Variants in PCDH20 observed in about 807,000 individuals in gnomAD.
The protein encoded by PCDH20 is protocadherin-20.
Under a neutral mutation model 39.7 loss-of-function variants are expected in PCDH20, and 18 were observed. The observed-to-expected ratio is 0.45, with a 90% CI of 0.31 to 0.67. The LOEUF (loss-of-function observed/expected upper bound fraction) is 0.67, where lower values mean the gene tolerates loss of function less well. Among genes scored for constraint, PCDH20 ranks in the 30% least tolerant of loss-of-function variants. The probability of loss-of-function intolerance (pLI) is 0.05; values close to 1 mark genes in which losing one functional copy is unlikely to be tolerated. For synonymous variants in PCDH20, 495 were observed against 455.4 expected, an observed-to-expected ratio of 1.09 and a Z score of -1.11; for missense variants, 1,161 against 1,167.4, an observed-to-expected ratio of 0.99 and a Z score of 0.08.
At chr13:61,412,116 A>G in exon 2 of PCDH20, 1 of 1,614,092 alleles carries the variant, frequency 6.2e-7, no homozygotes. Flanking sequence ...CTGTTACACT[A>G]ATTACTCCAA....
chr13:61,413,561 G>T (rs756354192), exon 2 of PCDH20: 3 of 1,614,154 alleles, frequency 1.9e-6, no homozygotes, highest in Middle Eastern at 1.6e-4. Context: ...AGCACATCCA[G>T]CAGCAAAAGA....
exon 2 of PCDH20, chr13:61,413,076 A>G: frequency 6.2e-7 from 1 of 1,614,228 alleles, no homozygotes; most frequent in Non-Finnish European, 8.5e-7. Flanking sequence ...CAGCCTGGAC[A>G]GCTGCAATTG....
At position 61,413,096 on chromosome 13, in the gene PCDH20, C is replaced by T. The variant is rs757592226; in HGVS notation, c.1003G>A (p.Val335Met). The T allele has an allele frequency of 1.9e-6, 3 of 1,614,200 alleles. No individual in the cohort carries two copies. The Admixed American group carries it at 5.0e-5, about 27-fold the overall frequency. ...TGGACAGCTGCAATTGGGGTGCCCA[C>T]TGTAGCATTCCCATACACAGTGACA... The change falls in exon 2 of 2, where the codon GTG (valine) becomes ATG (methionine). Residue 335 changes from valine (V) to methionine (M), a missense_variant. Val to Met is a conservative substitution (Grantham distance 21). Coordinates refer to ENST00000409204, the Ensembl canonical transcript of PCDH20.
rs909678155 is a variant in PCDH20 at position 61,412,065 on chromosome 13, C to T, written c.2034G>A (p.Val678=). The change falls in exon 2 of 2, where the codon GTG becomes GTA. Residue 678 remains valine (V), a synonymous_variant. Coordinates refer to ENST00000409204, the Ensembl canonical transcript of PCDH20. Reference sequence around the variant, plus strand: ...TGACAAAAATATCACTCTGGTTCACCACAGAGAGGGCGACCCATCCATTTC... The same window carrying T: ...TGACAAAAATATCACTCTGGTTCACTACAGAGAGGGCGACCCATCCATTTC... 1.9e-6 allele frequency: 3 copies of T among 1,614,124 alleles called. No individual in the cohort carries two copies. The Admixed American group carries it at 5.0e-5, about 27-fold the overall frequency.
chr13:61,412,218 G>A, exon 2 of PCDH20: 1 of 1,614,126 alleles, frequency 6.2e-7, no homozygotes, highest in Non-Finnish European at 8.5e-7. Flanking sequence ...CCAACACTGT[G>A]AGGGCCACAG....
chr13:61,414,895 T>C, intron 1 of PCDH20, 132 bp downstream of exon 1: 2 of 1,141,152 alleles, frequency 1.8e-6, no homozygotes, highest in Non-Finnish European at 2.3e-6. Flanking sequence ...CCAAACTCCC[T>C]TTCCCTCCCG....
At chr13:61,412,898 T>C (rs755628556) in exon 2 of PCDH20, 4 of 1,614,118 alleles carry the variant, frequency 2.5e-6, no homozygotes, top group South Asian at 1.1e-5. Flanking sequence ...CCTGGTCCAT[T>C]AGCAAGGATG....
At position 61,413,979 on chromosome 13, in the gene PCDH20, G is replaced by A. The variant is rs1355240398; in HGVS notation, c.133-13C>T. 2 of 1,593,134 alleles carry A rather than the reference G, an allele frequency of 1.3e-6. No homozygotes were observed. The highest frequency in any genetic ancestry group is 1.7e-6 in the Non-Finnish European group (2 of 1,165,894). On this transcript the variant is annotated splice_polypyrimidine_tract_variant and intron_variant, in intron 1 of 1. Transcript: ENST00000409204. ...ACAGAAACAGATGCTGGAGTTGGGG[G>A]AGGGAAGAAAGCTCATTACACACAC...
At chr13:61,411,376 C>T (rs745362556) in exon 2 of PCDH20, 1 of 1,614,076 alleles carries the variant, frequency 6.2e-7, no homozygotes, top group Admixed American at 1.7e-5. Context: ...GATGTATATG[C>T]CCATCCCTGT....
Position 61,412,619 on chromosome 13 carries a change from G to GT in PCDH20, c.1479dup (p.Pro494ThrfsTer5). On this transcript the variant is annotated frameshift_variant, in exon 2 of 2. Coordinates refer to ENST00000409204, the Ensembl canonical transcript of PCDH20. LOFTEE classifies it high-confidence loss of function. ...AACTGCTGTAGCTCATAGTCCATAG[G>GT]TTTTGTGGTCTCTAGTAAATATTCA... The GT allele has an allele frequency of 6.2e-7, 1 of 1,613,942 alleles. No homozygotes were observed. Among genetic ancestry groups the GT allele is most frequent in the Non-Finnish European group, 8.5e-7 (1 of 1,179,954 alleles).
exon 2 of PCDH20, chr13:61,413,556 A>G: frequency 6.2e-7 from 1 of 1,614,110 alleles, no homozygotes; most frequent in Non-Finnish European, 8.5e-7. Context: ...GGACAAGCAC[A>G]TCCAGCAGCA....
chr13:61,414,316 A>C (rs549250686), intron 1 of PCDH20, among the ~76,000 whole-genome samples: 1 of 152,028 alleles, frequency 6.6e-6, no homozygotes, highest in Non-Finnish European at 1.5e-5. Context: ...GACTGCGCAA[A>C]GCGACACGGA....
chr13:61,414,020 CGA>C (rs1447422886), intron 1 of PCDH20, 54 bp from the exon 2 acceptor site: 3 of 1,460,468 alleles, frequency 2.1e-6, no homozygotes, highest in Non-Finnish European at 2.8e-6. Context: ...AATAGGGGTC[CGA>C]GAGAGAAACT....
In PCDH20 at chr13:61,413,726, C is replaced by A. The variant is rs2138020477; in HGVS notation, c.373G>T (p.Gly125Ter). ...AGGGTCACGTACTGGCCACTCAGTCCCCGGGAGGCCAGGCTGAAGGAGAGA... is the reference window on the plus strand; with the variant it reads ...AGGGTCACGTACTGGCCACTCAGTCACCGGGAGGCCAGGCTGAAGGAGAGA... The change falls in exon 2 of 2, where the codon GGA becomes TGA. Residue 125 changes from glycine to a stop codon, truncating the protein, a stop_gained. Transcript: ENST00000409204. LOFTEE classifies it high-confidence loss of function. 6.2e-7 allele frequency: 1 copy of A among 1,613,936 alleles called. No individual in the cohort carries two copies.
chr13:61,410,859 CCA>C (rs1217299560), exon 2 of PCDH20: 2 of 159,644 alleles, frequency 1.3e-5, no homozygotes, highest in African/African-American at 4.8e-5. Context: ...GTACAATACC[CCA>C]GTTTCCTGCA....
rs752684833 is a variant in PCDH20, at chr13:61,412,047, A to C, written c.2052T>G (p.Ile684Met). 1.9e-6 allele frequency: 3 copies of C among 1,614,130 alleles called. No individual in the cohort carries two copies. In the South Asian group the frequency reaches 3.3e-5, roughly 18 times the overall value. Reference sequence around the variant, plus strand: ...TACCCTTTCCTGTATCTATGACAAAAATATCACTCTGGTTCACCACAGAGA... The same window carrying C: ...TACCCTTTCCTGTATCTATGACAAACATATCACTCTGGTTCACCACAGAGA... Residue 684 changes from isoleucine to methionine, a missense_variant, in exon 2 of 2, where the codon ATT (isoleucine) becomes ATG (methionine). Transcript: ENST00000409204.
chr13:61,411,248 T>G, exon 2 of PCDH20: 1 of 1,607,126 alleles, frequency 6.2e-7, no homozygotes, highest in Non-Finnish European at 8.5e-7. Flanking sequence ...AAATATCAAA[T>G]ATTAGAAATA....
At chr13:61,409,997 T>A (rs142738443) in exon 2 of PCDH20, 1 of 152,062 alleles carries the variant, frequency 6.6e-6, no homozygotes, top group Admixed American at 6.6e-5. Context: ...ATAGCTCTCA[T>A]ATAAAATAAT....
At chr13:61,412,601 G>C (rs779006586) in exon 2 of PCDH20, 3 of 1,614,026 alleles carry the variant, frequency 1.9e-6, no homozygotes, top group Non-Finnish European at 2.5e-6. Context: ...TAGAACTGCT[G>C]TAGCTCATAG....
Sources: allele counts gnomAD v4.1 joint callset (sites outside exome capture counted in the v4.1 genomes callset), GRCh38; gene constraint gnomAD v4.1.1; transcripts MANE v1.5; gene names NCBI Gene and HGNC (gene_info 2026-07-23, HGNC 2026-07-21).